HEPHL1: variants seen among roughly 807,000 people sequenced by gnomAD.
The protein encoded by HEPHL1 is hephaestin like 1, also known as ferroxidase HEPHL1.
In HEPHL1, 123 loss-of-function variants were observed where a neutral mutation model predicts 122.0. That is an observed-to-expected ratio of 1.01 (90% confidence interval 0.87 to 1.17). The LOEUF (loss-of-function observed/expected upper bound fraction) is 1.17, where lower values mean the gene tolerates loss of function less well. Among genes scored for constraint, HEPHL1 ranks in the 50% most tolerant of loss-of-function variants. The probability of loss-of-function intolerance (pLI) is 0.00; values close to 1 mark genes in which losing one functional copy is unlikely to be tolerated. For missense variants in HEPHL1, 1,452 were observed against 1,430.5 expected (o/e 1.01, Z -0.24); for synonymous variants, 527 against 508.9 (o/e 1.04, Z -0.48).
intron 6 of HEPHL1, among the ~76,000 whole-genome samples, chr11:94,072,602 A>C (rs1946084627): frequency 6.6e-6 from 1 of 152,130 alleles, no homozygotes; most frequent in African/African-American, 2.4e-5. Flanking sequence ...TAGACACTCC[A>C]TTCCTTAATA....
At chr11:94,097,388 G>A (rs1175301192) in intron 13 of HEPHL1, among the ~76,000 whole-genome samples, 1 of 152,182 alleles carries the variant, frequency 6.6e-6, no homozygotes. Context: ...GAGACAGTTT[G>A]TTATAATTTC....
At chr11:94,022,651 C>T (rs887613142) in intron 1 of HEPHL1, among the ~76,000 whole-genome samples, 1 of 152,236 alleles carries the variant, frequency 6.6e-6, no homozygotes, top group Non-Finnish European at 1.5e-5. Flanking sequence ...CAGACTTTTC[C>T]TTAAGCTTTG....
intron 5 of HEPHL1, among the ~76,000 whole-genome samples, chr11:94,068,726 C>T (rs1269035469): frequency 6.6e-6 from 1 of 152,076 alleles, no homozygotes; most frequent in Admixed American, 6.6e-5. Context: ...GGAATTCTGA[C>T]CACTGGATGC....
Position 94,112,920 on chromosome 11 carries a change from G to A in HEPHL1, c.*1026G>A, listed in dbSNP as rs956690400. 3 of 152,090 alleles carry A rather than the reference G, an allele frequency of 2.0e-5. No homozygotes were observed. Among genetic ancestry groups the A allele is most frequent in the South Asian group, 2.1e-4 (1 of 4,820 alleles). The allele number at this position is 152,090 out of a possible 1,614,324, so 9.4% of individuals were successfully genotyped here. On this transcript the variant is annotated 3_prime_UTR_variant, in exon 20 of 20. Transcript: ENST00000315765. ...TCAGGAGGAATTTATCAATGTAGGT[G>A]ACTAGATAGGAGAAGGGACCTCTAA...
intron 1 of HEPHL1, among the ~76,000 whole-genome samples, chr11:94,036,271 A>C (rs935772463): frequency 1.3e-5 from 2 of 152,134 alleles, no homozygotes; most frequent in Admixed American, 6.5e-5. Flanking sequence ...TAAAGGCTGA[A>C]CCCCAAGGGT....
chr11:94,098,668 G>T (rs556477495), intron 13 of HEPHL1, among the ~76,000 whole-genome samples: 1 of 152,236 alleles, frequency 6.6e-6, no homozygotes, highest in African/African-American at 2.4e-5. Context: ...CGCAGATTTG[G>T]TCTTTTCACA....
chr11:94,069,129 A>G (rs1217057544), intron 5 of HEPHL1, among the ~76,000 whole-genome samples: 3 of 152,202 alleles, frequency 2.0e-5, no homozygotes, highest in East Asian at 3.8e-4. Context: ...TAAAATCAAG[A>G]TATTAGCTGC....
At chr11:94,046,135 C>T (rs942692039) in intron 2 of HEPHL1, among the ~76,000 whole-genome samples, 2 of 103,832 alleles carry the variant, frequency 1.9e-5, no homozygotes, top group Non-Finnish European at 3.5e-5. Context: ...CACTCTGTTG[C>T]CCAGGCTGGA....
At chr11:94,080,388 CAAAGATT>C (rs1329353816) in intron 9 of HEPHL1, among the ~76,000 whole-genome samples, 1 of 152,132 alleles carries the variant, frequency 6.6e-6, no homozygotes, top group Non-Finnish European at 1.5e-5. Flanking sequence ...TAGGCACAGG[CAAAGATT>C]TCATGATGAA....
chr11:94,044,546 T>C (rs1945816231), intron 1 of HEPHL1, among the ~76,000 whole-genome samples: 1 of 152,100 alleles, frequency 6.6e-6, no homozygotes, highest in Admixed American at 6.5e-5. Context: ...CTCCGGAACT[T>C]ACCTGCATCC....
At position 94,112,560 on chromosome 11, in the gene HEPHL1, T is replaced by C. The variant is rs1946459440; in HGVS notation, c.*666T>C. On this transcript the variant is annotated 3_prime_UTR_variant, in exon 20 of 20. Transcript: ENST00000315765. ...TTGCTGCTGTTTTTATTCAAACCTG[T>C]AGAAATACTTGAATGTTTACAACTC... 1 of 152,258 alleles carries C rather than the reference T, an allele frequency of 6.6e-6. No homozygotes were observed. The highest frequency in any genetic ancestry group is 1.5e-5 in the Non-Finnish European group (1 of 68,038). The allele number at this position is 152,258 out of a possible 1,614,324, so 9.4% of individuals were successfully genotyped here.
rs1322763602 is a variant in HEPHL1, at chr11:94,037,507, T to C, written c.171-8166T>C. On this transcript the variant is annotated intron_variant, in intron 1 of 19. Transcript: ENST00000315765. ...GAAGAGAGCAGTGGTTCTCCCAGCATGCAGCTGGAGATCTGAGAACGGGCA... is the reference window on the plus strand; with the variant it reads ...GAAGAGAGCAGTGGTTCTCCCAGCACGCAGCTGGAGATCTGAGAACGGGCA... 2.9e-4 allele frequency among the ~76,000 whole-genome samples: 44 copies of C among 151,568 alleles called. 1 individual carries two copies. The highest frequency in any genetic ancestry group is 3.4e-3 in the Middle Eastern group (1 of 292).
At chr11:94,055,313 C>T (rs1166476361) in intron 2 of HEPHL1, 3 of 283,244 alleles carry the variant, frequency 1.1e-5, no homozygotes, top group Non-Finnish European at 2.1e-5. Context: ...TGAACTCCTT[C>T]CCAAAGGTCA....
chr11:94,095,506 A>C (rs1229569207), intron 13 of HEPHL1, among the ~76,000 whole-genome samples: 4 of 152,116 alleles, frequency 2.6e-5, no homozygotes, highest in Non-Finnish European at 5.9e-5. Flanking sequence ...ATGAACTTTA[A>C]AGTAGTTTTT....
At chr11:94,081,662 C>T (rs975645090) in intron 9 of HEPHL1, among the ~76,000 whole-genome samples, 2 of 152,108 alleles carry the variant, frequency 1.3e-5, no homozygotes, top group Admixed American at 6.5e-5. Flanking sequence ...CATTATTTCA[C>T]TCAAAAATGT....
intron 2 of HEPHL1, among the ~76,000 whole-genome samples, chr11:94,048,443 T>A: frequency 6.6e-6 from 1 of 152,132 alleles, no homozygotes; most frequent in East Asian, 1.9e-4. Context: ...CATTGCAGCC[T>A]TGAACTCCTG....
At chr11:94,051,377 T>A (rs1053147784) in intron 2 of HEPHL1, among the ~76,000 whole-genome samples, 3 of 152,178 alleles carry the variant, frequency 2.0e-5, no homozygotes, top group Admixed American at 2.0e-4. Flanking sequence ...ATGTTGTAGT[T>A]TTGATTTATA....
chr11:94,109,513 A>G (rs908864278), intron 17 of HEPHL1, among the ~76,000 whole-genome samples: 2 of 152,130 alleles, frequency 1.3e-5, no homozygotes, highest in African/African-American at 2.4e-5. Context: ...TATGAGGTTG[A>G]GGAAATTTCC....
chr11:94,093,936 C>T (rs1343960284), intron 13 of HEPHL1, among the ~76,000 whole-genome samples: 4 of 136,008 alleles, frequency 2.9e-5, no homozygotes, highest in Non-Finnish European at 4.7e-5. Flanking sequence ...AACCCCTATA[C>T]TGAGCCAGGA....
Sources: gnomAD v4.1 joint callset for allele counts (sites outside exome capture counted in the v4.1 genomes callset) on GRCh38, gnomAD v4.1.1 for gene constraint, MANE v1.5 for transcripts, NCBI Gene and HGNC (gene_info 2026-07-23, HGNC 2026-07-21) for gene names.